The following ANKS1B variants were observed in gnomAD, a reference collection of about 807,000 sequenced individuals.
The protein encoded by ANKS1B is ankyrin repeat and sterile alpha motif domain containing 1B, also known as ankyrin repeat and sterile alpha motif domain-containing protein 1B.
ANKS1B carries 36 observed loss-of-function variants against 148.3 expected under a neutral mutation model. The observed-to-expected ratio is 0.24, with a 90% CI of 0.19 to 0.32. The LOEUF (loss-of-function observed/expected upper bound fraction) is 0.32, where lower values mean the gene tolerates loss of function less well. ANKS1B is among the 10% of genes least tolerant of loss of function. ANKS1B has a pLI of 1.00. For missense variants in ANKS1B, 1,157 were observed against 1,542.6 expected (o/e 0.75, Z 4.19); for synonymous variants, 542 against 560.8 (o/e 0.97, Z 0.47).
intron 1 of ANKS1B, among the ~76,000 whole-genome samples, chr12:99,847,875 T>G (rs1254302583): frequency 6.6e-6 from 1 of 152,100 alleles, no homozygotes; most frequent in Non-Finnish European, 1.5e-5. Context: ...TGGTTGAACT[T>G]TCCCTTTGCT....
chr12:99,157,100 C>A (rs2076144000), intron 14 of ANKS1B, among the ~76,000 whole-genome samples: 1 of 152,052 alleles, frequency 6.6e-6, no homozygotes, highest in Admixed American at 6.6e-5. Flanking sequence ...GCTGATTGGT[C>A]CTGGATCTTT....
At chr12:99,000,990 C>T (rs748365277) in intron 17 of ANKS1B, among the ~76,000 whole-genome samples, 29 of 151,596 alleles carry the variant, frequency 1.9e-4, no homozygotes, top group African/African-American at 6.5e-4. Flanking sequence ...TGTGTGCGCG[C>T]GTGCATGTGT....
intron 8 of ANKS1B, among the ~76,000 whole-genome samples, chr12:99,765,100 T>C (rs2062520851): frequency 6.6e-6 from 1 of 152,178 alleles, no homozygotes; most frequent in Non-Finnish European, 1.5e-5. Flanking sequence ...AAAGACAGAA[T>C]GATCTACTTG....
At position 99,772,906 on chromosome 12, in the gene ANKS1B, C is replaced by T; in HGVS notation, c.1128+16G>A. 2 of 1,603,782 alleles carry T rather than the reference C, an allele frequency of 1.2e-6. No homozygotes were observed. Among genetic ancestry groups the T allele is most frequent in the African/African-American group, 2.7e-5 (2 of 74,578 alleles). On this transcript the variant is annotated intron_variant, in intron 8 of 26. Transcript: ENST00000683438. Reference sequence around the variant, plus strand: ...AAGACAGACACATTATCTTCATTCCCCCCCGCCTTACTTACTACACTCTGG... The same window carrying T: ...AAGACAGACACATTATCTTCATTCCTCCCCGCCTTACTTACTACACTCTGG...
intron 12 of ANKS1B, among the ~76,000 whole-genome samples, chr12:99,317,876 C>T (rs183715143): frequency 6.6e-6 from 1 of 151,802 alleles, no homozygotes; most frequent in Non-Finnish European, 1.5e-5. Flanking sequence ...TAGCATGAAG[C>T]GTTGTTGAAT....
At chr12:99,375,094 T>G (rs960721916) in intron 12 of ANKS1B, among the ~76,000 whole-genome samples, 1 of 152,212 alleles carries the variant, frequency 6.6e-6, no homozygotes, top group African/African-American at 2.4e-5. Flanking sequence ...TGAACAGAGT[T>G]GAAGTTTTAA....
chr12:99,042,968 C>T (rs1052148885), intron 17 of ANKS1B, among the ~76,000 whole-genome samples: 1 of 152,338 alleles, frequency 6.6e-6, no homozygotes, highest in East Asian at 1.9e-4. Context: ...AGGAGAAGAC[C>T]TTGTGTTCCC....
downstream of ANKS1B, among the ~76,000 whole-genome samples, chr12:98,741,247 AC>A (rs2153352729): frequency 6.6e-6 from 1 of 151,740 alleles, no homozygotes; most frequent in South Asian, 2.1e-4. Flanking sequence ...CCACCCACTC[AC>A]CCCAGCTACA....
At chr12:99,429,837 G>A (rs931972663) in intron 11 of ANKS1B, among the ~76,000 whole-genome samples, 4 of 152,114 alleles carry the variant, frequency 2.6e-5, no homozygotes, top group East Asian at 3.9e-4. Flanking sequence ...GGTGGCAGGC[G>A]CCTGTGGTCC....
At chr12:98,905,713 A>G (rs2099778092) in intron 17 of ANKS1B, among the ~76,000 whole-genome samples, 1 of 152,142 alleles carries the variant, frequency 6.6e-6, no homozygotes, top group Non-Finnish European at 1.5e-5. Context: ...TTGAGGCTGT[A>G]GTGAGCCAAG....
At chr12:99,536,317 T>C (rs1480284212) in intron 9 of ANKS1B, among the ~76,000 whole-genome samples, 2 of 152,156 alleles carry the variant, frequency 1.3e-5, no homozygotes, top group African/African-American at 4.8e-5. Context: ...GCTACACATA[T>C]GTATGGGGGC....
intron 9 of ANKS1B, among the ~76,000 whole-genome samples, chr12:99,523,594 C>T (rs1325380425): frequency 7.1e-6 from 1 of 140,396 alleles, no homozygotes; most frequent in Non-Finnish European, 1.5e-5. Context: ...CACTCTGTTG[C>T]CCAGGCTGGA....
chr12:99,438,907 G>GA (rs145240474), intron 11 of ANKS1B, among the ~76,000 whole-genome samples: 2,761 of 150,894 alleles, frequency 0.018, 86 homozygotes, highest in African/African-American at 0.064. Flanking sequence ...ACAAATATTA[G>GA]AAAAAAAAGT....
chr12:98,756,327 C>T (rs954328246), intron 25 of ANKS1B, among the ~76,000 whole-genome samples: 9 of 152,130 alleles, frequency 5.9e-5, no homozygotes, highest in Non-Finnish European at 1.2e-4. Flanking sequence ...CCTACTGCCA[C>T]ATAAGATGTG....
At chr12:99,793,077 T>A (rs1008836672) in intron 4 of ANKS1B, among the ~76,000 whole-genome samples, 1 of 151,648 alleles carries the variant, frequency 6.6e-6, no homozygotes, top group Non-Finnish European at 1.5e-5. Flanking sequence ...AAGAAAATTT[T>A]AAAAATCCCA....
chr12:98,980,334 G>A (rs1159063891), intron 17 of ANKS1B, among the ~76,000 whole-genome samples: 1 of 152,154 alleles, frequency 6.6e-6, no homozygotes, highest in African/African-American at 2.4e-5. Flanking sequence ...CCGAGTAGCT[G>A]GGACTACAGG....
chr12:99,619,559 C>G (rs1442812906), intron 9 of ANKS1B, among the ~76,000 whole-genome samples: 1 of 152,046 alleles, frequency 6.6e-6, no homozygotes, highest in Non-Finnish European at 1.5e-5. Flanking sequence ...GCACGGCTCT[C>G]TCTACTCACG....
chr12:99,922,291 AG>A (rs35424828), intron 1 of ANKS1B, among the ~76,000 whole-genome samples: 2 of 152,182 alleles, frequency 1.3e-5, no homozygotes, highest in African/African-American at 4.8e-5. Flanking sequence ...CTCCTCACTA[AG>A]GACTTCTTTA....
At chr12:99,467,736 C>G (rs566193908) in intron 10 of ANKS1B, among the ~76,000 whole-genome samples, 1 of 152,176 alleles carries the variant, frequency 6.6e-6, no homozygotes, top group South Asian at 2.1e-4. Context: ...TTATAAGGGA[C>G]ATGAAGGACC....
Sources: gnomAD v4.1 joint callset for allele counts (sites outside exome capture counted in the v4.1 genomes callset) on GRCh38, gnomAD v4.1.1 for gene constraint, MANE v1.5 for transcripts, NCBI Gene and HGNC (gene_info 2026-07-23, HGNC 2026-07-21) for gene names.